NKAIN2: variants seen among roughly 807,000 people sequenced by gnomAD.
NKAIN2 encodes the protein sodium/potassium-transporting ATPase subunit beta-1-interacting protein 2.
A neutral mutation model predicts 32.6 loss-of-function variants in NKAIN2; 14 were observed. That is an observed-to-expected ratio of 0.43 (90% CI 0.28 to 0.67). The LOEUF is 0.67. Ranked by LOEUF, NKAIN2 falls within the 30% of genes least tolerant of loss-of-function variation. The probability of loss-of-function intolerance (pLI) is 0.17; values close to 1 mark genes in which losing one functional copy is unlikely to be tolerated. For missense variants in NKAIN2, 198 were observed against 258.3 expected (o/e 0.77, Z 1.60); for synonymous variants, 80 against 87.2 (o/e 0.92, Z 0.46).
chr6:124,018,081 C>G (rs1475375429), intron 1 of NKAIN2, among the ~76,000 whole-genome samples: 1 of 152,184 alleles, frequency 6.6e-6, no homozygotes, highest in Non-Finnish European at 1.5e-5. Flanking sequence ...GTTCCCAAAC[C>G]TCAATTCTTG....
chr6:123,917,659 C>T (rs1220464980), intron 1 of NKAIN2, among the ~76,000 whole-genome samples: 2 of 152,062 alleles, frequency 1.3e-5, no homozygotes, highest in Admixed American at 1.3e-4. Flanking sequence ...ACATCCCTTC[C>T]TATGTCCCCA....
chr6:124,409,946 AT>A (rs1046037298), intron 3 of NKAIN2, among the ~76,000 whole-genome samples: 1 of 152,112 alleles, frequency 6.6e-6, no homozygotes, highest in African/African-American at 2.4e-5. Flanking sequence ...CGAGGAATTT[AT>A]CCATTTCTTC....
intron 1 of NKAIN2, among the ~76,000 whole-genome samples, chr6:123,946,464 T>C (rs1215106490): frequency 2.6e-5 from 4 of 152,164 alleles, no homozygotes; most frequent in Non-Finnish European, 5.9e-5. Context: ...TTAATGAAAT[T>C]ATCACCATGG....
At chr6:124,128,568 C>G (rs1489239283) in intron 1 of NKAIN2, among the ~76,000 whole-genome samples, 1 of 152,030 alleles carries the variant, frequency 6.6e-6, no homozygotes, top group Non-Finnish European at 1.5e-5. Flanking sequence ...TCAAATTTTC[C>G]CCATTATAGT....
chr6:124,717,422 G>T (rs937749123), intron 4 of NKAIN2, among the ~76,000 whole-genome samples: 1 of 152,136 alleles, frequency 6.6e-6, no homozygotes, highest in Non-Finnish European at 1.5e-5. Context: ...AGGTATCAAT[G>T]GTTGAATCCC....
At chr6:124,409,500 T>G (rs564018981) in intron 3 of NKAIN2, among the ~76,000 whole-genome samples, 1 of 152,352 alleles carries the variant, frequency 6.6e-6, no homozygotes, top group East Asian at 1.9e-4. Flanking sequence ...TTACGTTTAT[T>G]GATTTTCCTA....
At chr6:124,106,841 A>G (rs2114961123) in intron 1 of NKAIN2, among the ~76,000 whole-genome samples, 1 of 152,336 alleles carries the variant, frequency 6.6e-6, no homozygotes, top group Non-Finnish European at 1.5e-5. Context: ...AGCAGTGAAC[A>G]AAACACAAAA....
chr6:124,308,191 A>C (rs2114993609), intron 2 of NKAIN2, among the ~76,000 whole-genome samples: 1 of 151,308 alleles, frequency 6.6e-6, no homozygotes, highest in East Asian at 2.0e-4. Flanking sequence ...CCTCCCTGTA[A>C]CCATGTGTTC....
chr6:124,215,685 G>T (rs572963237), intron 1 of NKAIN2, among the ~76,000 whole-genome samples: 3 of 152,154 alleles, frequency 2.0e-5, no homozygotes, highest in South Asian at 4.2e-4. Context: ...GTGTGATAAA[G>T]GTGCCCTCAC....
rs57241110 is a variant in NKAIN2, at chr6:124,272,992, A to C, written c.55-10013A>C. Among the ~76,000 whole-genome samples the C allele has an allele frequency of 2.0e-3, 306 of 152,344 alleles. 3 individuals are homozygous for C. Among genetic ancestry groups the C allele is most frequent in the African/African-American group, 7.1e-3 (297 of 41,570 alleles). On this transcript the variant is annotated intron_variant, in intron 1 of 6. Transcript: ENST00000368417. The stretch of plus-strand genomic sequence containing the variant: ...TGTTCCCCCACTGTATCTTGGAAGT[A>C]ACTAACTTGTTTTTGATTTTACAGG...
chr6:124,660,440 C>T (rs1175450662), intron 4 of NKAIN2, among the ~76,000 whole-genome samples: 1 of 152,174 alleles, frequency 6.6e-6, no homozygotes, highest in African/African-American at 2.4e-5. Flanking sequence ...AGTTGACATA[C>T]ATACCCAAAG....
At chr6:123,837,249 T>C (rs1774669294) in intron 1 of NKAIN2, among the ~76,000 whole-genome samples, 1 of 152,114 alleles carries the variant, frequency 6.6e-6, no homozygotes, top group African/African-American at 2.4e-5. Flanking sequence ...TATTACACCA[T>C]TCTCGGAGAA....
chr6:124,723,143 T>C (rs1583724236), intron 4 of NKAIN2, among the ~76,000 whole-genome samples: 1 of 152,206 alleles, frequency 6.6e-6, no homozygotes, highest in East Asian at 1.9e-4. Context: ...ATCATACAGA[T>C]ACCATATAGA....
At chr6:124,367,724 C>T (rs1799584223) in intron 3 of NKAIN2, among the ~76,000 whole-genome samples, 1 of 152,032 alleles carries the variant, frequency 6.6e-6, no homozygotes, top group Non-Finnish European at 1.5e-5. Flanking sequence ...TTCTTGATTT[C>T]TGGCCATCCT....
intron 3 of NKAIN2, among the ~76,000 whole-genome samples, chr6:124,488,557 A>G (rs1777742326): frequency 6.6e-6 from 1 of 152,026 alleles, no homozygotes; most frequent in Non-Finnish European, 1.5e-5. Flanking sequence ...TTATCATTTA[A>G]CACATCTTTA....
At chr6:123,987,157 A>G (rs1779177299) in intron 1 of NKAIN2, among the ~76,000 whole-genome samples, 1 of 152,180 alleles carries the variant, frequency 6.6e-6, no homozygotes, top group Non-Finnish European at 1.5e-5. Context: ...CAAAAATAAG[A>G]AATAGAGAAG....
chr6:123,998,378 C>A (rs1436920359), intron 1 of NKAIN2, among the ~76,000 whole-genome samples: 1 of 151,886 alleles, frequency 6.6e-6, no homozygotes. Flanking sequence ...CAAGCAATGC[C>A]AAATAATAAA....
chr6:124,116,508 T>C (rs1313876643), intron 1 of NKAIN2, among the ~76,000 whole-genome samples: 2 of 152,190 alleles, frequency 1.3e-5, no homozygotes, highest in Admixed American at 1.3e-4. Flanking sequence ...GAATTCAAGA[T>C]GTTTTTACTT....
At chr6:123,943,582 G>T (rs1308006485) in intron 1 of NKAIN2, among the ~76,000 whole-genome samples, 2 of 151,984 alleles carry the variant, frequency 1.3e-5, no homozygotes, top group Non-Finnish European at 2.9e-5. Flanking sequence ...ATAGAAATAA[G>T]TACCCATGTC....
Sources: gnomAD v4.1 joint callset for allele counts (sites outside exome capture counted in the v4.1 genomes callset) on GRCh38, gnomAD v4.1.1 for gene constraint, MANE v1.5 for transcripts, NCBI Gene and HGNC (gene_info 2026-07-23, HGNC 2026-07-21) for gene names.